Variants in NALCN observed in about 807,000 individuals in gnomAD.
NALCN encodes sodium leak channel NALCN.
Under a neutral mutation model 225.3 loss-of-function variants are expected in NALCN, and 111 were observed. That is an observed-to-expected ratio of 0.49 (90% CI 0.42 to 0.58). The LOEUF (loss-of-function observed/expected upper bound fraction) is 0.58, where lower values mean the gene tolerates loss of function less well. Among genes scored for constraint, NALCN ranks in the 20% least tolerant of loss-of-function variants. The pLI, the probability that NALCN is intolerant of heterozygous loss-of-function variation, is 0.00. For synonymous variants in NALCN, 764 were observed against 769.0 expected (o/e 0.99, Z 0.11); for missense variants, 1,378 against 2,202.4 (o/e 0.63, Z 7.49).
intron 13 of NALCN, among the ~76,000 whole-genome samples, chr13:101,212,804 A>C (rs2040575509): frequency 6.6e-6 from 1 of 152,152 alleles, no homozygotes; most frequent in Non-Finnish European, 1.5e-5. Flanking sequence ...CATTTTAAAA[A>C]GTCTATCCAT....
intron 1 of NALCN, among the ~76,000 whole-genome samples, chr13:101,401,925 A>G (rs1269753882): frequency 1.3e-5 from 2 of 152,230 alleles, no homozygotes; most frequent in African/African-American, 4.8e-5. Context: ...CAAACACATG[A>G]GGAATTCAAA....
chr13:101,120,869 C>A (rs2035942728), intron 18 of NALCN, among the ~76,000 whole-genome samples: 1 of 152,156 alleles, frequency 6.6e-6, no homozygotes, highest in South Asian at 2.1e-4. Context: ...CTTGTCCATA[C>A]CAGGCATCTT....
chr13:101,415,215 A>ATATATATATATATATATATATG, intron 1 of NALCN, among the ~76,000 whole-genome samples: 3 of 78,932 alleles, frequency 3.8e-5, no homozygotes, highest in African/African-American at 2.3e-4. Context: ...ACACATATAT[A>ATATATATATATATATATATATG]TATATATATA....
intron 6 of NALCN, among the ~76,000 whole-genome samples, chr13:101,354,850 C>G (rs1447148206): frequency 6.6e-6 from 1 of 152,156 alleles, no homozygotes; most frequent in East Asian, 1.9e-4. Context: ...GCCAGACATA[C>G]TAACGACTCC....
At chr13:101,166,676 C>T (rs182809724) in intron 15 of NALCN, among the ~76,000 whole-genome samples, 1 of 152,260 alleles carries the variant, frequency 6.6e-6, no homozygotes, top group East Asian at 1.9e-4. Flanking sequence ...TCTACAATCC[C>T]ATAGGTTGGC....
At chr13:101,115,217 A>G (rs1315450559) in intron 18 of NALCN, among the ~76,000 whole-genome samples, 1 of 152,188 alleles carries the variant, frequency 6.6e-6, no homozygotes, top group Non-Finnish European at 1.5e-5. Context: ...GATGCCACTC[A>G]AGAATAATGG....
chr13:101,372,433 C>G lies in NALCN; in HGVS notation c.644+4267G>C, dbSNP rs553653533. ...AATTCTCATGGAATTTTCACCAATT[C>G]AGACCATATACTGGTCCTTAAAATG... On this transcript the variant is annotated intron_variant, in intron 6 of 43. Transcript: ENST00000251127. 7.0e-4 allele frequency among the ~76,000 whole-genome samples: 107 copies of G among 152,268 alleles called. 1 individual carries two copies. Among genetic ancestry groups the G allele is most frequent in the African/African-American group, 2.3e-3 (96 of 41,560 alleles).
chr13:101,066,658 G>A (rs559076758), intron 39 of NALCN, among the ~76,000 whole-genome samples: 83 of 152,276 alleles, frequency 5.5e-4, no homozygotes, highest in Middle Eastern at 3.4e-3. Context: ...GGAGCTGAGA[G>A]TGAGCTCAGA....
At chr13:101,113,062 C>T (rs1442836782) in intron 18 of NALCN, among the ~76,000 whole-genome samples, 7 of 152,184 alleles carry the variant, frequency 4.6e-5, no homozygotes, top group Non-Finnish European at 4.4e-5. Flanking sequence ...TACAAATTCA[C>T]TGAATGTAAA....
At chr13:101,223,378 G>C (rs527353051) in intron 13 of NALCN, among the ~76,000 whole-genome samples, 3 of 152,188 alleles carry the variant, frequency 2.0e-5, no homozygotes, top group Admixed American at 6.5e-5. Context: ...CAGTAAAAAG[G>C]GTTTGATTTC....
intron 18 of NALCN, among the ~76,000 whole-genome samples, chr13:101,119,034 G>C (rs2139677879): frequency 6.6e-6 from 1 of 152,258 alleles, no homozygotes; most frequent in Non-Finnish European, 1.5e-5. Context: ...TATAAAAGGA[G>C]AACTTTCCAA....
chr13:101,375,925 A>G (rs369717050), intron 6 of NALCN, among the ~76,000 whole-genome samples: 1 of 152,104 alleles, frequency 6.6e-6, no homozygotes, highest in Non-Finnish European at 1.5e-5. Flanking sequence ...CTCTCCTGCC[A>G]TCACATCCCT....
intron 15 of NALCN, among the ~76,000 whole-genome samples, chr13:101,149,463 A>T (rs2037528420): frequency 6.6e-6 from 1 of 151,976 alleles, no homozygotes; most frequent in African/African-American, 2.4e-5. Context: ...AGATATTTAC[A>T]CTCCCCAAAG....
chr13:101,245,331 G>T lies in NALCN; in HGVS notation c.1267-7409C>A, dbSNP rs890326940. 2.6e-5 allele frequency among the ~76,000 whole-genome samples: 4 copies of T among 152,060 alleles called. 1 individual carries two copies. The highest frequency in any genetic ancestry group is 9.6e-5 in the African/African-American group (4 of 41,500). On this transcript the variant is annotated intron_variant, in intron 11 of 43. Coordinates refer to ENST00000251127, the MANE Select transcript of NALCN (RefSeq NM_052867.4). ...TTTTGCATTACTTTAAGAAAACTTA[G>T]AAACAATGCATAGAAAAGAAGAGAA...
intron 13 of NALCN, among the ~76,000 whole-genome samples, chr13:101,223,394 G>A (rs892721467): frequency 2.6e-5 from 4 of 152,182 alleles, no homozygotes; most frequent in African/African-American, 7.2e-5. Context: ...ATTTCTTTTA[G>A]TTCTGGTTGA....
chr13:101,280,471 T>C (rs1429752568), intron 10 of NALCN, among the ~76,000 whole-genome samples: 1 of 152,220 alleles, frequency 6.6e-6, no homozygotes, highest in African/African-American at 2.4e-5. Flanking sequence ...CTTCACCCTG[T>C]CATTAATCCC....
chr13:101,346,560 G>A lies in NALCN; in HGVS notation c.645-1140C>T, dbSNP rs533902054. Among the ~76,000 whole-genome samples the A allele has an allele frequency of 5.9e-5, 9 of 152,222 alleles. No individual in the cohort carries two copies. The South Asian group carries it at 1.9e-3, about 32-fold the overall frequency. On this transcript the variant is annotated intron_variant, in intron 6 of 43. Coordinates refer to ENST00000251127, the MANE Select transcript of NALCN (RefSeq NM_052867.4). ...TAAGGAGAAATGGAAGGAACTCAAG[G>A]TATCCCATAGGAAAGAGAGATTATG...
chr13:101,402,730 G>A (rs961128839), intron 1 of NALCN, among the ~76,000 whole-genome samples: 24 of 152,130 alleles, frequency 1.6e-4, no homozygotes, highest in Non-Finnish European at 2.9e-4. Flanking sequence ...TATCGGTGCT[G>A]CTTCCCCCGC....
chr13:101,262,590 T>C (rs77902016), intron 10 of NALCN, among the ~76,000 whole-genome samples: 2,855 of 152,322 alleles, frequency 0.019, 72 homozygotes, highest in African/African-American at 0.057. Flanking sequence ...CTGAGAATCC[T>C]TTAGTCCTTG....
Sources: gnomAD v4.1 joint callset for allele counts (sites outside exome capture counted in the v4.1 genomes callset) on GRCh38, gnomAD v4.1.1 for gene constraint, MANE v1.5 for transcripts, NCBI Gene and HGNC (gene_info 2026-07-23, HGNC 2026-07-21) for gene names.